MKLN1: variants seen among roughly 807,000 people sequenced by gnomAD.
The protein encoded by MKLN1 is muskelin 1.
A neutral mutation model predicts 99.0 loss-of-function variants in MKLN1; 18 were observed. The observed-to-expected ratio is 0.18, with a 90% CI of 0.13 to 0.27. MKLN1 has a LOEUF of 0.27. Ranked by LOEUF, MKLN1 falls within the 10% of genes least tolerant of loss-of-function variation. The pLI is 1.00. For synonymous variants in MKLN1, 288 were observed against 293.2 expected (o/e 0.98, Z 0.18); for missense variants, 621 against 875.9 (o/e 0.71, Z 3.67).
At chr7:131,201,741 G>T (rs1320155292) in intron 2 of MKLN1, among the ~76,000 whole-genome samples, 1 of 152,154 alleles carries the variant, frequency 6.6e-6, no homozygotes. Context: ...TGACTACTAG[G>T]AGTGCCTTAA....
intron 2 of MKLN1, among the ~76,000 whole-genome samples, chr7:131,376,880 T>A: frequency 6.6e-6 from 1 of 152,010 alleles, no homozygotes; most frequent in Non-Finnish European, 1.5e-5. Context: ...ATTTTATGAT[T>A]TAATTTTTTT....
At chr7:131,256,071 A>G (rs1797653742) in intron 3 of MKLN1, among the ~76,000 whole-genome samples, 1 of 151,154 alleles carries the variant, frequency 6.6e-6, no homozygotes, top group African/African-American at 2.4e-5. Context: ...ATACTCAGCT[A>G]ATTTTTGTAT....
In MKLN1 at chr7:131,247,235, C is replaced by CTTTTCTTT. The variant is rs1554542026; in HGVS notation, c.-179+44265_-179+44266insCTTTTTTT. On this transcript the variant is annotated intron_variant, in intron 3 of 7. Transcript: ENST00000416992. ...TTACCTTTTCTTCTTTTTCTTTTTTCTTTTTTTTTTTTTTGTCACCATGGC... is the reference window on the plus strand; with the variant it reads ...TTACCTTTTCTTCTTTTTCTTTTTTCTTTTCTTTTTTTTTTTTTTTTTGTCACCATGGC... Among the ~76,000 whole-genome samples, 518 of 141,164 alleles carry CTTTTCTTT rather than the reference C, an allele frequency of 3.7e-3. 4 individuals are homozygous for CTTTTCTTT. The highest frequency in any genetic ancestry group is 0.013 in the African/African-American group (480 of 37,806). 92.6% of individuals were successfully genotyped at this position (141,164 alleles called of 152,430 possible).
chr7:131,143,097 GC>G (rs1190193250), intron 2 of MKLN1, among the ~76,000 whole-genome samples: 1 of 152,160 alleles, frequency 6.6e-6, no homozygotes, highest in African/African-American at 2.4e-5. Flanking sequence ...GTTTGAATAT[GC>G]TATGTGTACA....
chr7:131,476,338 A>G (rs1024342439), intron 16 of MKLN1, among the ~76,000 whole-genome samples: 24 of 152,170 alleles, frequency 1.6e-4, no homozygotes, highest in African/African-American at 5.8e-4. Context: ...TATAGATTGG[A>G]TAGGAGAAAG....
intron 2 of MKLN1, among the ~76,000 whole-genome samples, chr7:131,151,598 A>T (rs1281022910): frequency 2.0e-5 from 3 of 152,242 alleles, no homozygotes; most frequent in African/African-American, 7.2e-5. Flanking sequence ...TTGCCCAATT[A>T]TATTTAAAGA....
In MKLN1 at chr7:131,490,116, C is replaced by T. The variant is rs769793319; in HGVS notation, c.*2388C>T. ...CATGTCACAATTTAGTGAGGAGCTA[C>T]ATGTATTTCCAAGAATTCCAGCATA... On this transcript the variant is annotated 3_prime_UTR_variant, in exon 18 of 18. Coordinates refer to ENST00000352689, the MANE Select transcript of MKLN1 (RefSeq NM_013255.5). 4.6e-5 allele frequency: 7 copies of T among 152,578 alleles called. No individual in the cohort carries two copies. Among genetic ancestry groups the T allele is most frequent in the Non-Finnish European group, 8.8e-5 (6 of 68,034 alleles). 9.5% of individuals were successfully genotyped at this position (152,578 alleles called of 1,614,324 possible).
intron 3 of MKLN1, among the ~76,000 whole-genome samples, chr7:131,218,409 G>C (rs144639660): frequency 2.0e-5 from 3 of 152,194 alleles, no homozygotes; most frequent in African/African-American, 7.2e-5. Context: ...TTAGTTATAT[G>C]AAAGTGGTTT....
intron 1 of MKLN1, among the ~76,000 whole-genome samples, chr7:131,133,512 C>T (rs895452310): frequency 6.6e-6 from 1 of 151,614 alleles, no homozygotes; most frequent in Non-Finnish European, 1.5e-5. Flanking sequence ...TGCCACCATG[C>T]CCGGCTACTT....
intron 3 of MKLN1, among the ~76,000 whole-genome samples, chr7:131,311,887 A>C (rs574380069): frequency 6.6e-6 from 1 of 152,306 alleles, no homozygotes; most frequent in African/African-American, 2.4e-5. Flanking sequence ...AAATACTTAA[A>C]AATCTTATTC....
intron 15 of MKLN1, among the ~76,000 whole-genome samples, chr7:131,468,730 C>T (rs182344260): frequency 1.3e-5 from 2 of 152,188 alleles, no homozygotes; most frequent in East Asian, 1.9e-4. Context: ...GATTAAAATA[C>T]GATTCTAGGC....
intron 1 of MKLN1, among the ~76,000 whole-genome samples, chr7:131,138,072 T>G (rs1329277250): frequency 6.6e-6 from 1 of 152,040 alleles, no homozygotes; most frequent in Admixed American, 6.6e-5. Context: ...ATTAAAGGCA[T>G]GTGCCACCAC....
chr7:131,120,322 G>A (rs150972921), intron 1 of MKLN1, among the ~76,000 whole-genome samples: 8,800 of 151,526 alleles, frequency 0.058, 444 homozygotes, highest in South Asian at 0.27. Flanking sequence ...TCAGAAGATC[G>A]AGACCATCCT....
chr7:131,422,657 C>T (rs919075556), intron 8 of MKLN1, among the ~76,000 whole-genome samples: 2 of 152,108 alleles, frequency 1.3e-5, no homozygotes, highest in African/African-American at 4.8e-5. Context: ...TTGTTGCTTC[C>T]CGGTGTCTCA....
chr7:131,431,859 C>T (rs1319179691), intron 9 of MKLN1, among the ~76,000 whole-genome samples: 1 of 152,176 alleles, frequency 6.6e-6, no homozygotes, highest in African/African-American at 2.4e-5. Flanking sequence ...TCAACTTTCT[C>T]GCCTGTGTCC....
chr7:131,429,184 G>A (rs757005288), intron 9 of MKLN1, 39 bp downstream of exon 9: 18 of 1,387,818 alleles, frequency 1.3e-5, no homozygotes, highest in Admixed American at 3.5e-5. Context: ...TATTACAGAA[G>A]GGGCGTAGAT....
chr7:131,225,649 C>A lies in MKLN1; in HGVS notation c.-179+22675C>A, dbSNP rs1257184768. Among the ~76,000 whole-genome samples, 4 of 152,172 alleles carry A rather than the reference C, an allele frequency of 2.6e-5. No homozygotes were observed. In the East Asian group the frequency reaches 7.7e-4, roughly 29 times the overall value. ...CAGATCAGGGCATGCTAACCAGTTC[C>A]ATTTATTGGCAACTGGAGTAGGATC... On this transcript the variant is annotated intron_variant, in intron 3 of 7. Coordinates refer to the MKLN1 transcript ENST00000416992.
intron 3 of MKLN1, among the ~76,000 whole-genome samples, chr7:131,224,325 C>G (rs1043396090): frequency 1.2e-5 from 1 of 85,804 alleles, no homozygotes; most frequent in African/African-American, 3.4e-5. Context: ...GTGGGCAGAT[C>G]CCCTTAGGTC....
intron 3 of MKLN1, among the ~76,000 whole-genome samples, chr7:131,203,582 C>T (rs971771439): frequency 5.3e-5 from 8 of 152,150 alleles, no homozygotes; most frequent in African/African-American, 1.2e-4. Flanking sequence ...GCCAAGAAAA[C>T]GGACCATGTT....
Sources: gnomAD v4.1 joint callset for allele counts (sites outside exome capture counted in the v4.1 genomes callset) on GRCh38, gnomAD v4.1.1 for gene constraint, MANE v1.5 for transcripts, NCBI Gene and HGNC (gene_info 2026-07-23, HGNC 2026-07-21) for gene names.